CTSH: variants seen among roughly 807,000 people sequenced by gnomAD.
The protein encoded by CTSH is cathepsin H.
A neutral mutation model predicts 56.3 loss-of-function variants in CTSH; 52 were observed. That is an observed-to-expected ratio of 0.92 (90% CI 0.74 to 1.16). The LOEUF is 1.16. Among genes scored for constraint, CTSH ranks in the 50% most tolerant of loss-of-function variants. CTSH has a pLI of 0.00. For missense variants in CTSH, 406 were observed against 424.5 expected (o/e 0.96, Z 0.38); for synonymous variants, 174 against 155.7 (o/e 1.12, Z -0.88).
At chr15:78,928,736 T>G (rs1013421076) in intron 8 of CTSH, among the ~76,000 whole-genome samples, 1 of 150,588 alleles carries the variant, frequency 6.6e-6, no homozygotes, top group Non-Finnish European at 1.5e-5. Context: ...CCCTCAGGGG[T>G]CTGGATGGAG....
At chr15:78,941,001 G>T (rs1450070142) in intron 1 of CTSH, among the ~76,000 whole-genome samples, 11 of 152,090 alleles carry the variant, frequency 7.2e-5, no homozygotes. Flanking sequence ...ATATTATACA[G>T]AGTTTCTTTT....
At chr15:78,924,048 A>G (rs1246486128) in intron 10 of CTSH, among the ~76,000 whole-genome samples, 1 of 119,360 alleles carries the variant, frequency 8.4e-6, no homozygotes, top group East Asian at 2.8e-4. Flanking sequence ...GGGCTCTGAC[A>G]GTGGGAGGGC....
chr15:78,930,644 G>C (rs1388034880), intron 7 of CTSH, among the ~76,000 whole-genome samples: 1 of 152,200 alleles, frequency 6.6e-6, no homozygotes, highest in Non-Finnish European at 1.5e-5. Context: ...CTAAGCTGTG[G>C]AGTGGAAACA....
chr15:78,933,606 G>C (rs146346702), intron 5 of CTSH: 1 of 446,090 alleles, frequency 2.2e-6, no homozygotes, highest in Non-Finnish European at 4.5e-6. Flanking sequence ...GACAGTCAAC[G>C]AGGCAGACGT....
At chr15:78,922,288 C>A in intron 11 of CTSH, 83 bp from the exon 12 acceptor site, 1 of 1,135,754 alleles carries the variant, frequency 8.8e-7, no homozygotes, top group Non-Finnish European at 1.3e-6. Flanking sequence ...TCACCAAGAG[C>A]TGACTTCAGG....
rs74944943 is a variant in CTSH at position 78,943,602 on chromosome 15, T to C, written c.91+1289A>G. Among the ~76,000 whole-genome samples, 1,355 of 152,310 alleles carry C rather than the reference T, an allele frequency of 8.9e-3. 28 individuals carry two copies. The highest frequency in any genetic ancestry group is 0.03 in the African/African-American group (1,263 of 41,556). On this transcript the variant is annotated intron_variant, in intron 1 of 11. Transcript: ENST00000220166. ...CAATTTTAAATGGTTAGAAGAAACA[T>C]ATTTCGTAGCACCCAAAAATCCCTT...
chr15:78,943,344 C>T (rs1440493324), intron 1 of CTSH, among the ~76,000 whole-genome samples: 1 of 152,028 alleles, frequency 6.6e-6, no homozygotes, highest in Non-Finnish European at 1.5e-5. Flanking sequence ...TTCTCCTGCC[C>T]CAGCCTCCTG....
At chr15:78,923,764 T>C (rs1015670613) in intron 10 of CTSH, among the ~76,000 whole-genome samples, 3 of 152,228 alleles carry the variant, frequency 2.0e-5, no homozygotes, top group Admixed American at 6.5e-5. Flanking sequence ...TTTGCTTTGT[T>C]GCCACTGCAT....
At chr15:78,939,320 A>G (rs2055240299) in intron 1 of CTSH, 149 bp from the exon 2 acceptor site, 1 of 594,752 alleles carries the variant, frequency 1.7e-6, no homozygotes, top group Admixed American at 3.8e-5. Context: ...GCAGAATGCA[A>G]AAAGAAACTC....
At chr15:78,932,176 T>C in intron 6 of CTSH, 196 bp downstream of exon 6, 1 of 926,296 alleles carries the variant, frequency 1.1e-6, no homozygotes, top group Non-Finnish European at 1.6e-6. Context: ...TTGGGCCGGT[T>C]CCTTAATAAA....
In CTSH at chr15:78,939,168, T is replaced by C. The variant is rs1417058594; in HGVS notation, c.95A>G (p.Lys32Arg). The change falls in exon 2 of 12, where the codon AAG becomes AGG. Residue 32 changes from lysine to arginine, a missense_variant. Coordinates refer to ENST00000220166, the MANE Select transcript of CTSH (RefSeq NM_004390.5). The stretch of plus-strand genomic sequence containing the variant: ...AGACATCCATGACTTGAAGTGAAAC[T>C]TCTCTGTAAAAAGAAAAAAAAAATT... ...AAELCVNSLE[K>R]FHFKSWMSKH... The C allele has an allele frequency of 6.3e-7, 1 of 1,577,860 alleles. No individual in the cohort carries two copies.
chr15:78,929,321 G>A (rs191669226), intron 8 of CTSH, 91 bp downstream of exon 8: 9 of 967,712 alleles, frequency 9.3e-6, no homozygotes, highest in South Asian at 7.0e-5. Context: ...GAGGGAGGTG[G>A]GGGGAGAAGG....
rs1376743317 is a variant in CTSH at position 78,921,518 on chromosome 15, C to T, written c.*612G>A. ...CTGGGCTGACATTGTGGGTTTGAAT[C>T]CTGCCTCTGCCGCAGCTTGGCCCGT... On this transcript the variant is annotated 3_prime_UTR_variant, in exon 12 of 12. Transcript: ENST00000220166. 6.6e-6 allele frequency: 1 copy of T among 152,642 alleles called. No individual in the cohort carries two copies. Among genetic ancestry groups the T allele is most frequent in the Non-Finnish European group, 1.5e-5 (1 of 68,442 alleles). 9.5% of individuals were successfully genotyped at this position (152,642 alleles called of 1,614,324 possible). A position where few individuals can be genotyped will look rare whatever the true frequency, so the allele number is the denominator to read the frequency against.
chr15:78,922,779 G>A (rs751312918), intron 11 of CTSH, among the ~76,000 whole-genome samples: 4 of 152,198 alleles, frequency 2.6e-5, no homozygotes, highest in Admixed American at 6.5e-5. Flanking sequence ...TCCCTGCAGC[G>A]TCCTAAAGAC....
intron 10 of CTSH, 127 bp from the exon 11 acceptor site, chr15:78,923,245 AGGT>A: frequency 2.0e-6 from 2 of 995,760 alleles, no homozygotes; most frequent in Middle Eastern, 2.1e-4. Context: ...GAGGCATGTA[AGGT>A]GGTGATGTAA....
chr15:78,922,619 C>T (rs142415229), intron 11 of CTSH, among the ~76,000 whole-genome samples: 14 of 152,300 alleles, frequency 9.2e-5, no homozygotes, highest in East Asian at 5.8e-4. Context: ...CCTTTTCTCC[C>T]GGAAGGAGGG....
At position 78,923,116 on chromosome 15, in the gene CTSH, G is replaced by A. The variant is rs746276704; in HGVS notation, c.809C>T (p.Thr270Ile). The A allele has an allele frequency of 8.7e-6, 14 of 1,612,348 alleles. 1 individual carries two copies. The South Asian group carries it at 1.4e-4, about 17-fold the overall frequency. ...MMYRTGIYSS[T>I]SCHKTPDKVN... Reference sequence around the variant, plus strand: ...TTTATCTGGAGTTTTATGGCAGGAAGTACTGGAAAACAAAATTCAAAAAGA... The same window carrying A: ...TTTATCTGGAGTTTTATGGCAGGAAATACTGGAAAACAAAATTCAAAAAGA... Residue 270 changes from threonine (T) to isoleucine (I), a missense_variant and splice_region_variant, in exon 11 of 12, where the codon ACT (threonine) becomes ATT (isoleucine). Transcript: ENST00000220166.
At position 78,921,874 on chromosome 15, in the gene CTSH, G is replaced by C. The variant is rs1198020944; in HGVS notation, c.*256C>G. On this transcript the variant is annotated 3_prime_UTR_variant, in exon 12 of 12. Coordinates refer to ENST00000220166, the MANE Select transcript of CTSH (RefSeq NM_004390.5). ...GCCCTTCTGGACAGAAAGAATATTC[G>C]TGGTCCATGTGGTTTGAGTCTGTTA... The C allele has an allele frequency of 3.9e-6, 2 of 513,540 alleles. No individual in the cohort carries two copies. The highest frequency in any genetic ancestry group is 3.4e-5 in the Admixed American group (1 of 29,702). The allele number at this position is 513,540 out of a possible 1,614,324, so 31.8% of individuals were successfully genotyped here.
chr15:78,943,342 C>T (rs2055332501), intron 1 of CTSH, among the ~76,000 whole-genome samples: 1 of 152,108 alleles, frequency 6.6e-6, no homozygotes, highest in African/African-American at 2.4e-5. Context: ...GATTCTCCTG[C>T]CCCAGCCTCC....
Sources: gnomAD v4.1 joint callset for allele counts (sites outside exome capture counted in the v4.1 genomes callset) on GRCh38, gnomAD v4.1.1 for gene constraint, MANE v1.5 for transcripts, NCBI Gene and HGNC (gene_info 2026-07-23, HGNC 2026-07-21) for gene names.